The following LMF1 variants were observed in gnomAD, a reference collection of about 807,000 sequenced individuals.
The protein encoded by LMF1 is lipase maturation factor 1.
Under a neutral mutation model 60.6 loss-of-function variants are expected in LMF1, and 68 were observed. That is an observed-to-expected ratio of 1.12 (90% CI 0.92 to 1.37). The LOEUF is 1.37. LMF1 is among the 40% of genes most tolerant of loss of function. The pLI is 0.00. For missense variants in LMF1, 948 were observed against 767.2 expected, an observed-to-expected ratio of 1.24 and a Z score of -2.78; for synonymous variants, 418 against 324.7, an observed-to-expected ratio of 1.29 and a Z score of -3.09.
intron 8 of LMF1, among the ~76,000 whole-genome samples, 169 bp downstream of exon 8, chr16:870,560 C>G (rs977046974): frequency 3.3e-5 from 5 of 152,210 alleles, no homozygotes; most frequent in African/African-American, 7.2e-5. Flanking sequence ...CCTGCGTGTC[C>G]AGGCCCGGTA....
Position 970,801 on chromosome 16 carries a change from T to C in LMF1, c.180A>G (p.Leu60=). 6.5e-7 allele frequency: 1 copy of C among 1,539,558 alleles called. No homozygotes were observed. The highest frequency in any genetic ancestry group is 2.5e-5 in the East Asian group (1 of 39,562). ...CCCGGCACTCACAGTACACGAAGGCTAGGGCCTTCAGGAGCACGATCCGGG... is the reference window on the plus strand; with the variant it reads ...CCCGGCACTCACAGTACACGAAGGCCAGGGCCTTCAGGAGCACGATCCGGG... ...WLTRIVLLKA[L]AFVYFVAFLV... Residue 60 remains leucine, a synonymous_variant, in exon 1 of 11, where the codon CTA becomes CTG. Transcript: ENST00000262301.
At chr16:867,178 T>TA (rs1279348736) in intron 10 of LMF1, among the ~76,000 whole-genome samples, 3 of 152,238 alleles carry the variant, frequency 2.0e-5, no homozygotes, top group Admixed American at 6.5e-5. Context: ...ATGTTTTCCC[T>TA]AAATGTTAAC....
At chr16:877,505 GC>G (rs2070026240) in intron 6 of LMF1, among the ~76,000 whole-genome samples, 4 of 152,202 alleles carry the variant, frequency 2.6e-5, no homozygotes, top group African/African-American at 7.2e-5. Context: ...ACTTGCTTCA[GC>G]ATCCACAGCA....
At chr16:856,950 C>A (rs553023208) in intron 10 of LMF1, among the ~76,000 whole-genome samples, 1 of 152,366 alleles carries the variant, frequency 6.6e-6, no homozygotes, top group South Asian at 2.1e-4. Context: ...ACCCCCGTGT[C>A]CTTCCACACC....
Position 894,513 on chromosome 16 carries a change from G to A in LMF1, c.664-1441C>T, listed in dbSNP as rs576975769. On this transcript the variant is annotated intron_variant, in intron 4 of 10. Transcript: ENST00000262301. The stretch of plus-strand genomic sequence containing the variant: ...AAGTACTGAGTGCCCTTGAGGTGCC[G>A]GGCCCTGCTCCACCCCATAGAGGCC... Among the ~76,000 whole-genome samples, 98 of 152,078 alleles carry A rather than the reference G, an allele frequency of 6.4e-4. 1 individual carries two copies. The highest frequency in any genetic ancestry group is 2.3e-3 in the African/African-American group (95 of 41,466).
chr16:930,153 GCAGGACCCTGGGACACAGAGCC>G (rs1458133376), intron 3 of LMF1, among the ~76,000 whole-genome samples: 1 of 138,748 alleles, frequency 7.2e-6, no homozygotes, highest in Non-Finnish European at 1.6e-5. Flanking sequence ...GAACGGGGGC[GCAGGACCCTGGGACACAGAGCC>G]CAGGACAGCA....
At chr16:947,825 GCCAATGACAGAGTC>G (rs2072278051) in intron 2 of LMF1, among the ~76,000 whole-genome samples, 1 of 152,194 alleles carries the variant, frequency 6.6e-6, no homozygotes, top group African/African-American at 2.4e-5. Flanking sequence ...GACAGAGTCA[GCCAATGACAGAGTC>G]AGCCAACGAC....
At chr16:937,667 T>G (rs1251760062) in intron 2 of LMF1, among the ~76,000 whole-genome samples, 1 of 152,254 alleles carries the variant, frequency 6.6e-6, no homozygotes, top group Non-Finnish European at 1.5e-5. Flanking sequence ...CCCATTTCTA[T>G]AGGAAGCTTT....
intron 5 of LMF1, chr16:885,194 A>T (rs972894973): frequency 6.6e-6 from 1 of 152,278 alleles, no homozygotes; most frequent in African/African-American, 2.4e-5. Context: ...GATGGATTAA[A>T]GGCATATACT....
In LMF1 at chr16:874,448, G is replaced by A. The variant is rs1276767607; in HGVS notation, c.898-3107C>T. Reference sequence around the variant, plus strand: ...CCTGCCCCTCCCGCCCTGGCAGTCCGGGGCTGCGTCTCCCTGTCACCAGTG... The same window carrying A: ...CCTGCCCCTCCCGCCCTGGCAGTCCAGGGCTGCGTCTCCCTGTCACCAGTG... On this transcript the variant is annotated intron_variant, in intron 6 of 10. Transcript: ENST00000262301. The surrounding 1 kb of genome is among the most constrained non-coding windows in gnomAD (Gnocchi z 4.1). Among the ~76,000 whole-genome samples, 1 of 152,184 alleles carries A rather than the reference G, an allele frequency of 6.6e-6. No homozygotes were observed. The highest frequency in any genetic ancestry group is 2.4e-5 in the African/African-American group (1 of 41,434).
At chr16:948,511 G>C (rs1309342121) in intron 2 of LMF1, among the ~76,000 whole-genome samples, 3 of 151,798 alleles carry the variant, frequency 2.0e-5, no homozygotes. Flanking sequence ...GCCAACGACA[G>C]AGTCAGAGCC....
At chr16:947,395 C>G (rs969584802) in intron 2 of LMF1, 10 of 439,566 alleles carry the variant, frequency 2.3e-5, no homozygotes, top group African/African-American at 2.0e-4. Context: ...GTGGAACCTC[C>G]TTACATTGAA....
intron 3 of LMF1, among the ~76,000 whole-genome samples, chr16:911,337 G>GC (rs1435883465): frequency 3.3e-5 from 5 of 152,086 alleles, no homozygotes; most frequent in African/African-American, 1.2e-4. Flanking sequence ...GGAGGGAAAG[G>GC]CCCCGCTCTG....
At chr16:922,017 C>T (rs1433338083) in intron 3 of LMF1, among the ~76,000 whole-genome samples, 1 of 152,142 alleles carries the variant, frequency 6.6e-6, no homozygotes, top group Non-Finnish European at 1.5e-5. Context: ...TGGAAACCAG[C>T]GTTCCCCCAC....
chr16:908,017 C>A (rs2071012983), intron 4 of LMF1, among the ~76,000 whole-genome samples: 1 of 152,202 alleles, frequency 6.6e-6, no homozygotes, highest in African/African-American at 2.4e-5. Context: ...CTCTGCGGGG[C>A]CGGCTCCTCT....
At chr16:955,064 G>A (rs1306240251) in intron 1 of LMF1, among the ~76,000 whole-genome samples, 2 of 150,568 alleles carry the variant, frequency 1.3e-5, no homozygotes, top group Non-Finnish European at 3.0e-5. Flanking sequence ...AACTAGACAC[G>A]TTACATAAAA....
chr16:967,269 C>T (rs996837200), intron 1 of LMF1, among the ~76,000 whole-genome samples: 3 of 152,228 alleles, frequency 2.0e-5, no homozygotes, highest in Non-Finnish European at 4.4e-5. Flanking sequence ...CACACGCCCC[C>T]GTACTGCAGG....
At chr16:957,872 G>C (rs2072740592) in intron 1 of LMF1, among the ~76,000 whole-genome samples, 1 of 152,184 alleles carries the variant, frequency 6.6e-6, no homozygotes, top group Admixed American at 6.5e-5. Flanking sequence ...GCCGGGCGTG[G>C]TGGCTCACAC....
intron 3 of LMF1, among the ~76,000 whole-genome samples, chr16:913,019 G>A (rs1036131248): frequency 1.3e-5 from 2 of 152,226 alleles, no homozygotes; most frequent in Non-Finnish European, 1.5e-5. Flanking sequence ...GCAACACGCA[G>A]GGCCACAGCA....
Sources: gnomAD v4.1 joint callset for allele counts (sites outside exome capture counted in the v4.1 genomes callset) on GRCh38, gnomAD v4.1.1 for gene constraint, Gnocchi (gnomAD v3.1) non-coding constraint, MANE v1.5 for transcripts, NCBI Gene and HGNC (gene_info 2026-07-23, HGNC 2026-07-21) for gene names.